Variants in CSMD3 observed in about 807,000 individuals in gnomAD.
The protein encoded by CSMD3 is CUB and sushi domain-containing protein 3.
CSMD3 carries 177 observed loss-of-function variants against 435.2 expected under a neutral mutation model. The observed-to-expected ratio is 0.41, with a 90% CI of 0.36 to 0.46. The LOEUF is 0.46. CSMD3 is among the 20% of genes least tolerant of loss of function. The pLI is 0.34. For missense variants in CSMD3, 4,265 were observed against 4,504.6 expected, an observed-to-expected ratio of 0.95 and a Z score of 1.52; for synonymous variants, 1,656 against 1,520.5, an observed-to-expected ratio of 1.09 and a Z score of -2.07.
intron 10 of CSMD3, among the ~76,000 whole-genome samples, chr8:112,895,929 G>A (rs1029429550): frequency 2.0e-5 from 3 of 151,344 alleles, no homozygotes; most frequent in African/African-American, 2.4e-5. Flanking sequence ...TTGTTTGTTT[G>A]TTTGTTTTTT....
intron 3 of CSMD3, among the ~76,000 whole-genome samples, chr8:113,248,466 G>GTATATATA (rs2093299866): frequency 6.3e-3 from 5 of 800 alleles, no homozygotes; most frequent in Non-Finnish European, 0.031. Flanking sequence ...ATGTGTGTGT[G>GTATATATA]TGATATATAT....
chr8:113,172,523 G>C (rs2092285053), intron 4 of CSMD3, among the ~76,000 whole-genome samples: 1 of 152,168 alleles, frequency 6.6e-6, no homozygotes, highest in Non-Finnish European at 1.5e-5. Context: ...TAAGCAGCCA[G>C]TGTAGCTTAT....
chr8:113,253,607 C>T (rs767616260), intron 3 of CSMD3, among the ~76,000 whole-genome samples: 19 of 151,858 alleles, frequency 1.3e-4, no homozygotes, highest in Non-Finnish European at 2.5e-4. Flanking sequence ...TTTGGTAGGC[C>T]GAGGCGGGCA....
intron 1 of CSMD3, among the ~76,000 whole-genome samples, chr8:113,329,969 G>A (rs1244963183): frequency 6.6e-6 from 1 of 152,072 alleles, no homozygotes; most frequent in Non-Finnish European, 1.5e-5. Flanking sequence ...AAATGGAAAA[G>A]CATGATGCAG....
intron 3 of CSMD3, among the ~76,000 whole-genome samples, chr8:113,261,161 T>C (rs1228210218): frequency 6.6e-6 from 1 of 152,122 alleles, no homozygotes; most frequent in East Asian, 1.9e-4. Context: ...GATTGGTCCA[T>C]AGTGTCTATT....
At chr8:112,385,692 T>A (rs571753367) in intron 36 of CSMD3, among the ~76,000 whole-genome samples, 1 of 152,320 alleles carries the variant, frequency 6.6e-6, no homozygotes, top group Non-Finnish European at 1.5e-5. Context: ...TAGAGGAAGT[T>A]ATTAAATTTT....
chr8:112,494,494 C>CCTTTCTTTCTTTCTTTCTTTCTTT (rs66517203), intron 30 of CSMD3, among the ~76,000 whole-genome samples: 2 of 40,228 alleles, frequency 5.0e-5, no homozygotes, highest in East Asian at 5.0e-4. Flanking sequence ...TTCTTTCTCT[C>CCTTTCTTTCTTTCTTTCTTTCTTT]CTTTCTTTCT....
chr8:112,320,748 T>TA (rs1563786232), intron 45 of CSMD3, among the ~76,000 whole-genome samples: 1 of 151,646 alleles, frequency 6.6e-6, no homozygotes, highest in African/African-American at 2.4e-5. Flanking sequence ...CCCCATTCTT[T>TA]AAAAAAGAAA....
At chr8:113,428,645 C>T (rs1335149534) in intron 1 of CSMD3, among the ~76,000 whole-genome samples, 2 of 151,816 alleles carry the variant, frequency 1.3e-5, no homozygotes, top group East Asian at 3.9e-4. Context: ...CATAAAGCAT[C>T]ACACATGAAA....
At chr8:113,116,431 C>T (rs898420645) in intron 4 of CSMD3, among the ~76,000 whole-genome samples, 11 of 152,168 alleles carry the variant, frequency 7.2e-5, no homozygotes, top group Admixed American at 2.0e-4. Flanking sequence ...TATCCTGAGG[C>T]CTCCTCAGCC....
intron 27 of CSMD3, among the ~76,000 whole-genome samples, chr8:112,549,247 T>A (rs1827462659): frequency 6.6e-6 from 1 of 152,012 alleles, no homozygotes; most frequent in African/African-American, 2.4e-5. Context: ...TGTTCCCACT[T>A]AAAAAAATAA....
chr8:113,212,414 C>T (rs1170761266), intron 3 of CSMD3, among the ~76,000 whole-genome samples: 1 of 152,078 alleles, frequency 6.6e-6, no homozygotes, highest in Non-Finnish European at 1.5e-5. Context: ...CCAAAGTTGT[C>T]TTTGTTATTT....
intron 13 of CSMD3, among the ~76,000 whole-genome samples, chr8:112,776,470 T>G (rs538949816): frequency 1.3e-5 from 2 of 151,890 alleles, no homozygotes; most frequent in Admixed American, 1.3e-4. Context: ...TTACTTTCTT[T>G]CATTTACTTT....
intron 13 of CSMD3, among the ~76,000 whole-genome samples, chr8:112,736,401 A>T (rs951724109): frequency 6.6e-6 from 1 of 152,046 alleles, no homozygotes. Flanking sequence ...CTTTCTCAGA[A>T]CACAATGGGT....
chr8:112,441,248 C>T (rs984451052), intron 32 of CSMD3, among the ~76,000 whole-genome samples: 2 of 152,204 alleles, frequency 1.3e-5, no homozygotes, highest in South Asian at 2.1e-4. Flanking sequence ...CCTTTGCTCC[C>T]GTTCCCAACA....
chr8:113,217,396 A>G (rs1588295937), intron 3 of CSMD3, among the ~76,000 whole-genome samples: 1 of 151,632 alleles, frequency 6.6e-6, no homozygotes, highest in Non-Finnish European at 1.5e-5. Context: ...CCAAGAAATG[A>G]CACAAGTATT....
At chr8:112,535,736 A>G (rs1563672844) in intron 27 of CSMD3, among the ~76,000 whole-genome samples, 1 of 152,212 alleles carries the variant, frequency 6.6e-6, no homozygotes, top group Non-Finnish European at 1.5e-5. Context: ...CCAAAAGAAC[A>G]AAGCTGGAGG....
intron 18 of CSMD3, among the ~76,000 whole-genome samples, chr8:112,655,369 G>A (rs919302768): frequency 3.3e-5 from 5 of 152,002 alleles, no homozygotes; most frequent in South Asian, 2.1e-4. Context: ...TGCATTTCAC[G>A]TAAAAGTATA....
At chr8:112,265,969 C>T (rs1288527037) in intron 59 of CSMD3, among the ~76,000 whole-genome samples, 1 of 152,044 alleles carries the variant, frequency 6.6e-6, no homozygotes, top group African/African-American at 2.4e-5. Context: ...TATATGGCTA[C>T]TGAAGTATCT....
Sources: allele counts gnomAD v4.1 joint callset (sites outside exome capture counted in the v4.1 genomes callset), GRCh38; gene constraint gnomAD v4.1.1; transcripts MANE v1.5; gene names NCBI Gene and HGNC (gene_info 2026-07-23, HGNC 2026-07-21).